KCNH7: variants seen among roughly 807,000 people sequenced by gnomAD.
The protein encoded by KCNH7 is voltage-gated inwardly rectifying potassium channel KCNH7.
In KCNH7, 49 loss-of-function variants were observed where a neutral mutation model predicts 120.8. That is an observed-to-expected ratio of 0.41 (90% CI 0.32 to 0.51). The LOEUF is 0.51. Ranked by LOEUF, KCNH7 falls within the 20% of genes least tolerant of loss-of-function variation. The probability of loss-of-function intolerance (pLI) is 0.38; values close to 1 mark genes in which losing one functional copy is unlikely to be tolerated. For missense variants in KCNH7, 1,097 were observed against 1,446.6 expected (o/e 0.76, Z 3.92); for synonymous variants, 547 against 516.1 (o/e 1.06, Z -0.81).
intron 12 of KCNH7, among the ~76,000 whole-genome samples, chr2:162,393,273 T>G (rs546197360): frequency 6.6e-6 from 1 of 152,072 alleles, no homozygotes; most frequent in Non-Finnish European, 1.5e-5. Context: ...TCGAGCTGCC[T>G]TTGAGATTTC....
At chr2:162,502,880 T>A (rs1408201619) in intron 6 of KCNH7, among the ~76,000 whole-genome samples, 1 of 152,070 alleles carries the variant, frequency 6.6e-6, no homozygotes, top group Admixed American at 6.6e-5. Flanking sequence ...CCCACATGGC[T>A]GCACACAGGC....
At chr2:162,657,552 G>C (rs1684808851) in intron 2 of KCNH7, among the ~76,000 whole-genome samples, 1 of 152,024 alleles carries the variant, frequency 6.6e-6, no homozygotes, top group African/African-American at 2.4e-5. Context: ...TCCATCGTAT[G>C]GATGCACTAC....
intron 9 of KCNH7, among the ~76,000 whole-genome samples, chr2:162,413,903 T>C (rs771691100): frequency 6.6e-6 from 1 of 151,808 alleles, no homozygotes. Context: ...AAAGTTCTTA[T>C]AAAATAAAAT....
chr2:162,734,893 A>G (rs931937442), intron 2 of KCNH7, among the ~76,000 whole-genome samples: 1 of 152,152 alleles, frequency 6.6e-6, no homozygotes, highest in Non-Finnish European at 1.5e-5. Context: ...AGGAATCACA[A>G]ATGAAAGCAA....
intron 13 of KCNH7, among the ~76,000 whole-genome samples, chr2:162,382,704 G>C (rs1160005460): frequency 7.2e-5 from 11 of 151,930 alleles, no homozygotes; most frequent in Non-Finnish European, 1.5e-5. Flanking sequence ...ACTAAAATTT[G>C]TGGGGGTTTA....
chr2:162,419,718 AT>A (rs1365876486), intron 9 of KCNH7, among the ~76,000 whole-genome samples: 4 of 152,110 alleles, frequency 2.6e-5, no homozygotes, highest in Admixed American at 6.6e-5. Context: ...TAAATAGTTT[AT>A]TTCTCTTCAT....
intron 2 of KCNH7, among the ~76,000 whole-genome samples, chr2:162,786,961 A>G (rs140365021): frequency 5.5e-4 from 84 of 152,350 alleles, no homozygotes; most frequent in African/African-American, 1.9e-3. Context: ...GGACAGTTTT[A>G]TATTACCTGC....
At chr2:162,560,231 A>G (rs986695249) in intron 2 of KCNH7, among the ~76,000 whole-genome samples, 11 of 152,186 alleles carry the variant, frequency 7.2e-5, no homozygotes, top group African/African-American at 2.7e-4. Flanking sequence ...TGTGTCTGGA[A>G]GTTATATTTC....
intron 2 of KCNH7, among the ~76,000 whole-genome samples, chr2:162,680,406 G>A (rs1206550162): frequency 6.6e-6 from 1 of 151,688 alleles, no homozygotes; most frequent in Admixed American, 6.6e-5. Context: ...AGATATATGT[G>A]ATGTGCATAT....
At chr2:162,421,274 G>T (rs372484040) in intron 9 of KCNH7, among the ~76,000 whole-genome samples, 4 of 152,268 alleles carry the variant, frequency 2.6e-5, no homozygotes, top group African/African-American at 9.6e-5. Context: ...GATAATGAAA[G>T]AGAATGACAT....
chr2:162,377,116 C>T (rs893093741), intron 14 of KCNH7, among the ~76,000 whole-genome samples: 2 of 152,144 alleles, frequency 1.3e-5, no homozygotes, highest in Non-Finnish European at 1.5e-5. Context: ...CTGGGATTCT[C>T]GCTCTGCAAA....
intron 2 of KCNH7, among the ~76,000 whole-genome samples, chr2:162,692,127 T>A (rs1442040317): frequency 6.6e-6 from 1 of 151,718 alleles, no homozygotes; most frequent in Non-Finnish European, 1.5e-5. Context: ...ACATTGAGTT[T>A]TTTTTTTTTT....
intron 2 of KCNH7, among the ~76,000 whole-genome samples, chr2:162,722,115 C>T (rs916239520): frequency 6.6e-5 from 10 of 151,648 alleles, no homozygotes; most frequent in Admixed American, 3.3e-4. Flanking sequence ...CATAAGCACA[C>T]GGGATGAAAG....
chr2:162,591,541 A>G (rs1694217095), intron 2 of KCNH7, among the ~76,000 whole-genome samples: 1 of 152,082 alleles, frequency 6.6e-6, no homozygotes, highest in African/African-American at 2.4e-5. Flanking sequence ...TAAGATAAAT[A>G]GCAAGTACCT....
chr2:162,377,244 G>T (rs1686230173), intron 14 of KCNH7, among the ~76,000 whole-genome samples: 1 of 150,276 alleles, frequency 6.7e-6, no homozygotes, highest in South Asian at 2.1e-4. Context: ...TAATATTTTG[G>T]ATTTTAAATC....
intron 2 of KCNH7, among the ~76,000 whole-genome samples, chr2:162,778,028 T>C (rs1683317838): frequency 2.0e-5 from 3 of 152,122 alleles, no homozygotes; most frequent in Admixed American, 2.0e-4. Context: ...CTCCAAATAA[T>C]AGCAATTCAA....
intron 7 of KCNH7, among the ~76,000 whole-genome samples, chr2:162,440,232 A>G (rs568301036): frequency 9.9e-5 from 15 of 152,138 alleles, no homozygotes; most frequent in Admixed American, 9.8e-4. Context: ...TGATACAATT[A>G]TTCTTCTATA....
intron 2 of KCNH7, among the ~76,000 whole-genome samples, chr2:162,581,706 C>G (rs1693870821): frequency 6.6e-6 from 1 of 151,944 alleles, no homozygotes; most frequent in South Asian, 2.1e-4. Context: ...AAATTAATAT[C>G]TATTTCATTG....
At chr2:162,464,857 T>C (rs1689258367) in intron 6 of KCNH7, among the ~76,000 whole-genome samples, 1 of 152,076 alleles carries the variant, frequency 6.6e-6, no homozygotes, top group Non-Finnish European at 1.5e-5. Flanking sequence ...CTCTGTTCTA[T>C]GTTGGCGTCT....
Sources: allele counts gnomAD v4.1 joint callset (sites outside exome capture counted in the v4.1 genomes callset), GRCh38; gene constraint gnomAD v4.1.1; transcripts MANE v1.5; gene names NCBI Gene and HGNC (gene_info 2026-07-23, HGNC 2026-07-21).